The following NUP93 variants were observed in gnomAD, a reference collection of about 807,000 sequenced individuals.
NUP93 encodes nucleoporin 93, also known as nuclear pore complex protein Nup93.
Under a neutral mutation model 107.8 loss-of-function variants are expected in NUP93, and 55 were observed. The observed-to-expected ratio is 0.51, with a 90% confidence interval of 0.41 to 0.64. NUP93 has a LOEUF of 0.64. Ranked by LOEUF, NUP93 falls within the 30% of genes least tolerant of loss-of-function variation. The pLI, the probability that NUP93 is intolerant of heterozygous loss-of-function variation, is 0.00. For synonymous variants in NUP93, 390 were observed against 397.5 expected (o/e 0.98, Z 0.22); for missense variants, 937 against 1,044.7 (o/e 0.90, Z 1.42).
intron 3 of NUP93, among the ~76,000 whole-genome samples, chr16:56,777,027 TG>T (rs1245688315): frequency 2.0e-5 from 3 of 152,114 alleles, no homozygotes; most frequent in African/African-American, 7.2e-5. Context: ...TGAGCGTGTG[TG>T]TGTGTGCACG....
chr16:56,777,088 C>A (rs1482787022), intron 3 of NUP93, among the ~76,000 whole-genome samples: 1 of 152,170 alleles, frequency 6.6e-6, no homozygotes, highest in African/African-American at 2.4e-5. Context: ...GGAAAAGAGC[C>A]TTTCCCATTT....
Position 56,797,757 on chromosome 16 carries a change from G to A in NUP93, c.298-719G>A, listed in dbSNP as rs141948807. Among the ~76,000 whole-genome samples, 135 of 152,340 alleles carry A rather than the reference G, an allele frequency of 8.9e-4. 4 individuals are homozygous for A. The East Asian group carries it at 0.023, about 26-fold the overall frequency. On this transcript the variant is annotated intron_variant, in intron 3 of 21. Transcript: ENST00000308159. ...AAACAAATAAGCTGAGGTTTAGGGA[G>A]TTTGGGCGACCTGGCTAAAGTCCTG...
chr16:56,814,000 TG>T (rs1180463858), intron 5 of NUP93, among the ~76,000 whole-genome samples: 8 of 152,218 alleles, frequency 5.3e-5, no homozygotes. Context: ...CCAGTAGTAC[TG>T]GACTTTTGCC....
chr16:56,805,009 T>C (rs777006516), intron 4 of NUP93, among the ~76,000 whole-genome samples: 18 of 152,132 alleles, frequency 1.2e-4, no homozygotes, highest in Non-Finnish European at 2.5e-4. Context: ...GTTTATTTAT[T>C]TATTTATTTT....
intron 5 of NUP93, among the ~76,000 whole-genome samples, chr16:56,807,067 G>C (rs575111664): frequency 2.0e-4 from 31 of 152,316 alleles, no homozygotes; most frequent in African/African-American, 7.5e-4. Context: ...ACTTTGACAT[G>C]TGGGTCCCTA....
At chr16:56,738,829 A>G (rs1961653954) in intron 1 of NUP93, among the ~76,000 whole-genome samples, 1 of 152,134 alleles carries the variant, frequency 6.6e-6, no homozygotes, top group Non-Finnish European at 1.5e-5. Flanking sequence ...CTTGGATGAG[A>G]AAAGAAAGAA....
At position 56,829,115 on chromosome 16, in the gene NUP93, G is replaced by A. The variant is rs3816116; in HGVS notation, c.927+6G>A. 0.02 allele frequency: 32,030 copies of A among 1,609,886 alleles called. 773 individuals are homozygous for A. The highest frequency in any genetic ancestry group is 0.11 in the East Asian group (4,970 of 44,840). ...CTCCCTTGCCTGGACTACAGGTACT[G>A]ACAACTTTCTCTGTGTGATCAGTTA... On this transcript the variant is annotated splice_donor_region_variant and intron_variant, in intron 9 of 21. Coordinates refer to ENST00000308159, the MANE Select transcript of NUP93 (RefSeq NM_014669.5).
intron 2 of NUP93, among the ~76,000 whole-genome samples, chr16:56,749,105 C>T (rs1311700886): frequency 1.3e-5 from 2 of 152,134 alleles, no homozygotes; most frequent in African/African-American, 2.4e-5. Flanking sequence ...TTAAGGTCCA[C>T]GCTGTGCCAG....
intron 3 of NUP93, among the ~76,000 whole-genome samples, chr16:56,759,184 C>T (rs760596060): frequency 6.6e-6 from 1 of 152,134 alleles, no homozygotes; most frequent in Non-Finnish European, 1.5e-5. Flanking sequence ...CCAAACATGC[C>T]ACAAGCAATT....
chr16:56,807,989 C>T (rs1250634994), intron 5 of NUP93, among the ~76,000 whole-genome samples: 1 of 149,200 alleles, frequency 6.7e-6, no homozygotes, highest in African/African-American at 2.5e-5. Flanking sequence ...CGCCACTGCA[C>T]TCCAGCCTGG....
chr16:56,808,124 CTA>C (rs1360885336), intron 5 of NUP93, among the ~76,000 whole-genome samples: 2 of 84,540 alleles, frequency 2.4e-5, no homozygotes, highest in African/African-American at 4.5e-5. Context: ...TATTATATAA[CTA>C]TATAAATATA....
chr16:56,787,742 A>G (rs1962659737), intron 3 of NUP93, among the ~76,000 whole-genome samples: 1 of 152,170 alleles, frequency 6.6e-6, no homozygotes, highest in African/African-American at 2.4e-5. Flanking sequence ...TTTATACTGC[A>G]GTGCGGTTTT....
At chr16:56,836,323 T>A (rs1266049078) in intron 16 of NUP93, among the ~76,000 whole-genome samples, 2 of 152,156 alleles carry the variant, frequency 1.3e-5, no homozygotes, top group African/African-American at 4.8e-5. Flanking sequence ...CTGGGTCATT[T>A]TGGAAAATTA....
chr16:56,741,530 T>C (rs1238201602), intron 1 of NUP93, among the ~76,000 whole-genome samples: 1 of 152,234 alleles, frequency 6.6e-6, no homozygotes, highest in Non-Finnish European at 1.5e-5. Context: ...AAAATATGTT[T>C]TTATTTTCCA....
chr16:56,839,272 T>C, intron 19 of NUP93: 1 of 300,542 alleles, frequency 3.3e-6, no homozygotes, highest in Non-Finnish European at 6.1e-6. Flanking sequence ...CCTATTCCTT[T>C]CCCCTTTAAT....
At chr16:56,790,252 T>C (rs2144537954) in intron 3 of NUP93, among the ~76,000 whole-genome samples, 1 of 152,360 alleles carries the variant, frequency 6.6e-6, no homozygotes, top group South Asian at 2.1e-4. Context: ...GCTGACGTTT[T>C]ATATATTCTT....
intron 3 of NUP93, among the ~76,000 whole-genome samples, chr16:56,781,402 G>A (rs1487271348): frequency 1.3e-5 from 2 of 152,158 alleles, no homozygotes; most frequent in Non-Finnish European, 2.9e-5. Context: ...ATTGACAAGG[G>A]CACAATGATC....
chr16:56,817,525 G>T (rs185072944), intron 5 of NUP93, among the ~76,000 whole-genome samples: 2 of 152,282 alleles, frequency 1.3e-5, no homozygotes, highest in South Asian at 2.1e-4. Flanking sequence ...TAAGCTTAAA[G>T]AATTTGATCT....
Position 56,830,594 on chromosome 16 carries a change from C to T in NUP93, c.994C>T (p.Leu332Phe). Residue 332 changes from leucine to phenylalanine, a missense_variant, in exon 10 of 22, where the codon CTT becomes TTT. Physicochemically the swap from Leu to Phe is conservative, Grantham distance 22. Transcript: ENST00000308159. ...IYYCMRCGDLLAASQVVNRAQ... is the reference protein window; with the variant it reads ...IYYCMRCGDLFAASQVVNRAQ... ...CTACTGCATGCGCTGTGGAGACCTG[C>T]TTGCCGCTTCACAGGTAGTTAATCG... 1 of 1,611,438 alleles carries T rather than the reference C, an allele frequency of 6.2e-7. No homozygotes were observed.
Sources: gnomAD v4.1 joint callset for allele counts (sites outside exome capture counted in the v4.1 genomes callset) on GRCh38, gnomAD v4.1.1 for gene constraint, MANE v1.5 for transcripts, NCBI Gene and HGNC (gene_info 2026-07-23, HGNC 2026-07-21) for gene names.